Variants in TRIM33 observed in about 807,000 individuals in gnomAD.
The protein encoded by TRIM33 is tripartite motif containing 33.
In TRIM33, 20 loss-of-function variants were observed where a neutral mutation model predicts 125.4. The observed-to-expected ratio is 0.16, with a 90% confidence interval of 0.11 to 0.23. The LOEUF is 0.23. Among genes scored for constraint, TRIM33 ranks in the 10% least tolerant of loss-of-function variants. TRIM33 has a pLI of 1.00. For synonymous variants in TRIM33, 564 were observed against 513.9 expected (o/e 1.10, Z -1.32); for missense variants, 920 against 1,411.4 (o/e 0.65, Z 5.58).
At chr1:114,462,960 T>C (rs1185744231) in intron 4 of TRIM33, 144 bp downstream of exon 4, 4 of 586,552 alleles carry the variant, frequency 6.8e-6, no homozygotes, top group African/African-American at 1.9e-5. Flanking sequence ...CCAAAACATA[T>C]ATTGCTCAAG....
At position 114,394,969 on chromosome 1, in the gene TRIM33, A is replaced by G. The variant is rs1478846312; in HGVS notation, c.*2679T>C. On this transcript the variant is annotated 3_prime_UTR_variant, in exon 20 of 20. Transcript: ENST00000358465. ...TCTTCTAAAATACTGCCATTTAAAA[A>G]ACAAATACAAATGTGAGAGAGTATA... 1.0e-5 allele frequency: 2 copies of G among 195,736 alleles called. No homozygotes were observed. Among genetic ancestry groups the G allele is most frequent in the Non-Finnish European group, 2.1e-5 (2 of 94,344 alleles). The allele number at this position is 195,736 out of a possible 1,614,324, so 12.1% of individuals were successfully genotyped here.
intron 1 of TRIM33, among the ~76,000 whole-genome samples, chr1:114,496,421 G>T (rs925250370): frequency 1.3e-5 from 2 of 152,152 alleles, no homozygotes; most frequent in Admixed American, 6.5e-5. Context: ...AATCTATTGT[G>T]GACAACAGGT....
At chr1:114,423,847 C>T (rs115812120) in intron 10 of TRIM33, among the ~76,000 whole-genome samples, 1,810 of 152,068 alleles carry the variant, frequency 0.012, 21 homozygotes, top group South Asian at 0.041. Context: ...CTGAGTACTC[C>T]CCACCTAGAA....
intron 4 of TRIM33, among the ~76,000 whole-genome samples, chr1:114,437,273 T>C (rs1353427245): frequency 1.3e-5 from 2 of 152,154 alleles, no homozygotes; most frequent in Non-Finnish European, 2.9e-5. Context: ...GAACTAAATG[T>C]AGTTTTGATT....
chr1:114,419,623 CA>C (rs1033680340), intron 11 of TRIM33, among the ~76,000 whole-genome samples: 2 of 151,462 alleles, frequency 1.3e-5, no homozygotes, highest in Admixed American at 6.6e-5. Context: ...TTCCCTCAGC[CA>C]AAAAAGACTT....
chr1:114,463,607 C>CA, intron 2 of TRIM33, 51 bp from the exon 3 acceptor site: 1 of 957,978 alleles, frequency 1.0e-6, no homozygotes, highest in Non-Finnish European at 1.5e-6. Flanking sequence ...AAATCTAGAT[C>CA]TAAAAAAAAA....
chr1:114,461,016 C>T (rs945998380), intron 4 of TRIM33, among the ~76,000 whole-genome samples: 16 of 151,636 alleles, frequency 1.1e-4, no homozygotes, highest in Non-Finnish European at 1.9e-4. Flanking sequence ...GGAACCGCCC[C>T]GCCCCACCCC....
chr1:114,486,532 GT>G (rs1651701467), intron 1 of TRIM33, among the ~76,000 whole-genome samples: 1 of 133,902 alleles, frequency 7.5e-6, no homozygotes. Context: ...GGGCAACACA[GT>G]GGGACCCTAT....
At chr1:114,459,022 GA>G (rs1396393369) in intron 4 of TRIM33, among the ~76,000 whole-genome samples, 2 of 152,182 alleles carry the variant, frequency 1.3e-5, no homozygotes, top group Non-Finnish European at 2.9e-5. Context: ...CAAAAGAGAA[GA>G]AATGTGTGAT....
At chr1:114,403,882 T>G (rs978306553) in intron 15 of TRIM33, among the ~76,000 whole-genome samples, 1 of 151,920 alleles carries the variant, frequency 6.6e-6, no homozygotes, top group Non-Finnish European at 1.5e-5. Flanking sequence ...CAGGCTGGTC[T>G]CAAACTCCTA....
rs538147778 is a variant in TRIM33, at chr1:114,496,639, TTGAG to T, written c.526+13908_526+13911del. On this transcript the variant is annotated intron_variant, in intron 1 of 19. Coordinates refer to ENST00000358465, the MANE Select transcript of TRIM33 (RefSeq NM_015906.4). Reference sequence around the variant, plus strand: ...TATCTACAAATTCAAAATATAATAATTGAGTAATTTTTTTTGTAATACAGGTCTA... The same window carrying T: ...TATCTACAAATTCAAAATATAATAATTAATTTTTTTTGTAATACAGGTCTA... Among the ~76,000 whole-genome samples, 19 of 152,300 alleles carry T rather than the reference TTGAG, an allele frequency of 1.2e-4. No individual in the cohort carries two copies. In the East Asian group the frequency reaches 2.7e-3, roughly 22 times the overall value.
At chr1:114,410,355 A>G (rs1652509016) in intron 11 of TRIM33, 39 bp from the exon 12 acceptor site, 1 of 1,590,456 alleles carries the variant, frequency 6.3e-7, no homozygotes, top group Non-Finnish European at 8.5e-7. Context: ...TGCTTTGATT[A>G]AAGCAGAGAA....
Position 114,425,868 on chromosome 1 carries a change from A to AGAT in TRIM33, c.1421-148_1421-146dup, listed in dbSNP as rs991605853. On this transcript the variant is annotated intron_variant, in intron 8 of 19. Transcript: ENST00000358465. The stretch of plus-strand genomic sequence containing the variant: ...ACAGCAGGGAATGGAGTCAGTTTAA[A>AGAT]GATGATGATGATGATCAGAAACTTA... 3.2e-5 allele frequency: 20 copies of AGAT among 621,254 alleles called. No individual in the cohort carries two copies. In the East Asian group the frequency reaches 4.1e-4, roughly 13 times the overall value. The allele number at this position is 621,254 out of a possible 1,614,324, so 38.5% of individuals were successfully genotyped here.
rs547501831 is a variant in TRIM33 at position 114,416,896 on chromosome 1, C to T, written c.2061+4540G>A. Among the ~76,000 whole-genome samples the T allele has an allele frequency of 2.2e-4, 34 of 152,256 alleles. 1 individual carries two copies. The highest frequency in any genetic ancestry group is 1.2e-3 in the Admixed American group (18 of 15,296). Reference sequence around the variant, plus strand: ...CCTCTTTTCTTTATAAACAGCAATGCAACAACAGCCTGGTACACTACGTTC... The same window carrying T: ...CCTCTTTTCTTTATAAACAGCAATGTAACAACAGCCTGGTACACTACGTTC... On this transcript the variant is annotated intron_variant, in intron 11 of 19. Transcript: ENST00000358465.
At chr1:114,471,277 C>G (rs556560031) in intron 1 of TRIM33, among the ~76,000 whole-genome samples, 109 of 152,198 alleles carry the variant, frequency 7.2e-4, no homozygotes, top group African/African-American at 2.6e-3. Context: ...TCAAACTCTA[C>G]TAAAAATACA....
At chr1:114,403,689 T>C (rs1652050654) in intron 15 of TRIM33, among the ~76,000 whole-genome samples, 1 of 152,056 alleles carries the variant, frequency 6.6e-6, no homozygotes, top group Admixed American at 6.6e-5. Context: ...AGGGGCCTGC[T>C]ACCATGCCCA....
At chr1:114,404,827 T>TC (rs1652130422) in intron 15 of TRIM33, 1 of 148,134 alleles carries the variant, frequency 6.8e-6, no homozygotes, top group East Asian at 2.0e-4. Context: ...TTTTTTTTTT[T>TC]CAATTTATAG....
intron 18 of TRIM33, among the ~76,000 whole-genome samples, chr1:114,398,937 A>C (rs12117792): frequency 4.0e-5 from 6 of 150,890 alleles, no homozygotes; most frequent in African/African-American, 7.3e-5. Context: ...AAAACAAAAA[A>C]CAAAAAACTC....
chr1:114,497,928 G>T (rs1219622089), intron 1 of TRIM33, among the ~76,000 whole-genome samples: 2 of 151,266 alleles, frequency 1.3e-5, no homozygotes, highest in Non-Finnish European at 2.9e-5. Flanking sequence ...AGATAAACAA[G>T]AGTAGGCAGA....
Sources: gnomAD v4.1 joint callset for allele counts (sites outside exome capture counted in the v4.1 genomes callset) on GRCh38, gnomAD v4.1.1 for gene constraint, MANE v1.5 for transcripts, NCBI Gene and HGNC (gene_info 2026-07-23, HGNC 2026-07-21) for gene names.